CACNA1H: variants seen among roughly 807,000 people sequenced by gnomAD.
CACNA1H encodes voltage-dependent T-type calcium channel subunit alpha-1H.
A neutral mutation model predicts 192.5 loss-of-function variants in CACNA1H; 149 were observed. The ratio of observed to expected loss-of-function variants is 0.77; its 90% CI spans 0.68 to 0.89. CACNA1H has a LOEUF of 0.89. Among genes scored for constraint, CACNA1H ranks in the 40% least tolerant of loss-of-function variants. CACNA1H has a pLI of 0.00. For synonymous variants in CACNA1H, 2,202 were observed against 1,475.2 expected, an observed-to-expected ratio of 1.49 and a Z score of -11.29; for missense variants, 4,257 against 3,423.5, an observed-to-expected ratio of 1.24 and a Z score of -6.08.
At chr16:1,173,458 C>T (rs112830642) in intron 2 of CACNA1H, among the ~76,000 whole-genome samples, 1 of 152,268 alleles carries the variant, frequency 6.6e-6, no homozygotes, top group Non-Finnish European at 1.5e-5. Flanking sequence ...CCTGGGTTCT[C>T]TCTCTCGCTA....
intron 18 of CACNA1H, 58 bp downstream of exon 18, chr16:1,210,193 C>G (rs1969260276): frequency 2.1e-6 from 3 of 1,417,310 alleles, no homozygotes; most frequent in East Asian, 2.5e-5. Flanking sequence ...GACCCCCGCC[C>G]CCAGGTCCCT....
chr16:1,181,647 T>C (rs1414492174), intron 2 of CACNA1H, among the ~76,000 whole-genome samples: 2 of 152,256 alleles, frequency 1.3e-5, no homozygotes, highest in African/African-American at 4.8e-5. Flanking sequence ...GGTCTCTTTC[T>C]AATTAGCATG....
chr16:1,219,673 C>T (rs932190205), intron 34 of CACNA1H, among the ~76,000 whole-genome samples: 5 of 152,222 alleles, frequency 3.3e-5, no homozygotes, highest in South Asian at 2.1e-4. Context: ...TGGGGGTGCC[C>T]AGCTGGGCTG....
At chr16:1,218,067 A>G (rs777493811) in intron 32 of CACNA1H, 27 bp downstream of exon 32, 7 of 1,590,408 alleles carry the variant, frequency 4.4e-6, no homozygotes, top group Non-Finnish European at 6.0e-6. Flanking sequence ...TGCCTCTGGC[A>G]CCTGGCAGCC....
At chr16:1,154,991 G>GA (rs1220156395) in intron 2 of CACNA1H, among the ~76,000 whole-genome samples, 1 of 152,188 alleles carries the variant, frequency 6.6e-6, no homozygotes, top group Non-Finnish European at 1.5e-5. Context: ...CGGGCCTGGG[G>GA]ACGGGTGGAG....
rs577905877 is a variant in CACNA1H, at chr16:1,187,700, C to T, written c.300-7272C>T. Among the ~76,000 whole-genome samples the T allele has an allele frequency of 3.3e-5, 5 of 152,274 alleles. No individual in the cohort carries two copies. The South Asian group carries it at 1.0e-3, about 32-fold the overall frequency. Reference sequence around the variant, plus strand: ...GGAGGCCACAGCCCTGCTTGGGGGCCACTCTGACCATAGAGGAGGAGCCAG... The same window carrying T: ...GGAGGCCACAGCCCTGCTTGGGGGCTACTCTGACCATAGAGGAGGAGCCAG... On this transcript the variant is annotated intron_variant, in intron 2 of 34. Coordinates refer to ENST00000348261, the MANE Select transcript of CACNA1H (RefSeq NM_021098.3).
Position 1,210,809 on chromosome 16 carries a change from C to T in CACNA1H, c.4061C>T (p.Ser1354Phe), listed in dbSNP as rs754994425. The T allele has an allele frequency of 8.1e-6, 13 of 1,602,028 alleles. No homozygotes were observed. The Admixed American group carries it at 2.0e-4, about 25-fold the overall frequency. Reference protein sequence around the residue: ...MVKVVALGLLSGEHAYLQSSW... With the variant: ...MVKVVALGLLFGEHAYLQSSW... ...CAGGTGGTGGCCCTGGGGCTGCTGT[C>T]CGGCGAGCACGCCTACCTGCAGAGC... Residue 1354 changes from serine to phenylalanine, a missense_variant, in exon 21 of 35, where the codon TCC (serine) becomes TTC (phenylalanine). Coordinates refer to ENST00000348261, the MANE Select transcript of CACNA1H (RefSeq NM_021098.3).
intron 31 of CACNA1H, 21 bp downstream of exon 31, chr16:1,217,031 C>G (rs1970083644): frequency 6.4e-7 from 1 of 1,566,444 alleles, no homozygotes; most frequent in Non-Finnish European, 8.7e-7. Flanking sequence ...CCTGCGCCCT[C>G]CTCCTGGCAC....
intron 2 of CACNA1H, among the ~76,000 whole-genome samples, chr16:1,162,615 G>C (rs1439752570): frequency 6.8e-6 from 1 of 147,870 alleles, no homozygotes; most frequent in East Asian, 2.0e-4. Flanking sequence ...GCCCCGCACG[G>C]CCAGCTCCTG....
intron 2 of CACNA1H, among the ~76,000 whole-genome samples, chr16:1,169,277 G>A (rs1160582477): frequency 2.0e-5 from 3 of 152,156 alleles, no homozygotes; most frequent in Non-Finnish European, 2.9e-5. Flanking sequence ...CACCGTCGCT[G>A]GTGGCCGAAT....
At chr16:1,155,181 T>G (rs1239211024) in intron 2 of CACNA1H, among the ~76,000 whole-genome samples, 1 of 152,156 alleles carries the variant, frequency 6.6e-6, no homozygotes, top group Non-Finnish European at 1.5e-5. Flanking sequence ...AAACATCGAG[T>G]GAGTCAGACT....
rs1474486162 is a variant in CACNA1H, at chr16:1,202,134, C to G, written c.1684C>G (p.Pro562Ala). The G allele has an allele frequency of 4.5e-6, 7 of 1,548,340 alleles. No homozygotes were observed. The highest frequency in any genetic ancestry group is 1.4e-5 in the African/African-American group (1 of 73,020). The change falls in exon 9 of 35, where the codon CCA becomes GCA. Residue 562 changes from proline (P) to alanine (A), a missense_variant. Physicochemically the swap from Pro to Ala is conservative, Grantham distance 27. Coordinates refer to ENST00000348261, the MANE Select transcript of CACNA1H (RefSeq NM_021098.3). Reference protein sequence around the residue: ...RAGAPPSPPSPGRGPPDAESV... With the variant: ...RAGAPPSPPSAGRGPPDAESV... ...TGGCGCGCCCCCCTCGCCACCTTCCCCAGGCCGCGGACCCCCCGACGCAGA... is the reference window on the plus strand; with the variant it reads ...TGGCGCGCCCCCCTCGCCACCTTCCGCAGGCCGCGGACCCCCCGACGCAGA...
chr16:1,158,288 C>T (rs558859951), intron 2 of CACNA1H, among the ~76,000 whole-genome samples: 6 of 152,276 alleles, frequency 3.9e-5, no homozygotes, highest in African/African-American at 1.4e-4. Context: ...AGGGGCCTTC[C>T]CACTCACCAA....
chr16:1,160,153 C>T (rs1326279605), intron 2 of CACNA1H: 1 of 152,240 alleles, frequency 6.6e-6, no homozygotes, highest in Non-Finnish European at 1.5e-5. Flanking sequence ...AGATGTCGGC[C>T]AGGCCGTCCG....
rs781681439 is a variant in CACNA1H at position 1,210,466 on chromosome 16, G to A, written c.3942G>A (p.Glu1314=). The A allele has an allele frequency of 6.2e-7, 1 of 1,612,178 alleles. No individual in the cohort carries two copies. The highest frequency in any genetic ancestry group is 8.5e-7 in the Non-Finnish European group (1 of 1,179,700). The change falls in exon 19 of 35, where the codon GAG becomes GAA. Residue 1314 remains glutamate (E), a synonymous_variant. Coordinates refer to ENST00000348261, the MANE Select transcript of CACNA1H (RefSeq NM_021098.3). ...TCAACTGCGTCACCATCGCCCTGGA[G>A]AGGCCTGACATTGATCCCGGCAGCA... is the stretch of plus-strand genomic sequence containing the variant. ...IFLNCVTIAL[E]RPDIDPGSTE...
rs1421191166 is a variant in CACNA1H, at chr16:1,195,576, C to A, written c.545+11C>A. The A allele has an allele frequency of 1.9e-6, 3 of 1,583,742 alleles. No individual in the cohort carries two copies. Among genetic ancestry groups the A allele is most frequent in the Non-Finnish European group, 2.6e-6 (3 of 1,165,664 alleles). On this transcript the variant is annotated intron_variant, in intron 4 of 34. Coordinates refer to ENST00000348261, the MANE Select transcript of CACNA1H (RefSeq NM_021098.3). ...CATCGTCGTGGCGGGGTAGGCCCCG[C>A]CTGGGAGAGGCCACAGCGCTGGCGA...
Position 1,200,759 on chromosome 16 carries a change from T to C in CACNA1H, c.1163T>C (p.Met388Thr). 1 of 1,557,208 alleles carries C rather than the reference T, an allele frequency of 6.4e-7. No homozygotes were observed. The highest frequency in any genetic ancestry group is 1.7e-4 in the Middle Eastern group (1 of 5,978). The part of the protein sequence containing the change: ...EGWVDIMYYV[M>T]DAHSFYNFIY... Reference sequence around the variant, plus strand: ...TGGGTGGACATCATGTACTACGTCATGGACGCCCACTCATTCTACAACTTC... The same window carrying C: ...TGGGTGGACATCATGTACTACGTCACGGACGCCCACTCATTCTACAACTTC... The change falls in exon 8 of 35, where the codon ATG becomes ACG. Residue 388 changes from methionine (M) to threonine (T), a missense_variant. Transcript: ENST00000348261.
At chr16:1,206,381 C>A in intron 12 of CACNA1H, 92 bp downstream of exon 12, 1 of 1,226,164 alleles carries the variant, frequency 8.2e-7, no homozygotes, top group Non-Finnish European at 1.1e-6. Flanking sequence ...GGAGAAGGAG[C>A]CCTCCCACCA....
intron 5 of CACNA1H, among the ~76,000 whole-genome samples, chr16:1,197,560 G>A (rs1025193035): frequency 5.3e-5 from 8 of 152,218 alleles, no homozygotes; most frequent in African/African-American, 1.7e-4. Flanking sequence ...GACACGCTCA[G>A]GGCTGCATCC....
Sources: gnomAD v4.1 joint callset for allele counts (sites outside exome capture counted in the v4.1 genomes callset) on GRCh38, gnomAD v4.1.1 for gene constraint, MANE v1.5 for transcripts, NCBI Gene and HGNC (gene_info 2026-07-23, HGNC 2026-07-21) for gene names.